Variants in SDK1 observed in about 807,000 individuals in gnomAD.
The protein encoded by SDK1 is sidekick cell adhesion molecule 1.
SDK1 carries 157 observed loss-of-function variants against 245.5 expected under a neutral mutation model. The ratio of observed to expected loss-of-function variants is 0.64; its 90% CI spans 0.56 to 0.73. SDK1 has a LOEUF of 0.73. Ranked by LOEUF, SDK1 falls within the 30% of genes least tolerant of loss-of-function variation. The pLI is 0.00. For synonymous variants in SDK1, 1,647 were observed against 1,278.5 expected (o/e 1.29, Z -6.15); for missense variants, 3,583 against 3,002.3 (o/e 1.19, Z -4.52).
chr7:3,549,044 C>A (rs1562555504), intron 1 of SDK1, among the ~76,000 whole-genome samples: 1 of 152,220 alleles, frequency 6.6e-6, no homozygotes, highest in African/African-American at 2.4e-5. Flanking sequence ...AGAGCTGCAT[C>A]CCTGGGAAGA....
rs1246318499 is a variant in SDK1 at position 4,029,931 on chromosome 7, A to C, written c.2602+12579A>C. Reference sequence around the variant, plus strand: ...CCAACATGCTGCACTCGGATACAACAACCACTAACGTGGCAGCAGGATGGG... The same window carrying C: ...CCAACATGCTGCACTCGGATACAACCACCACTAACGTGGCAGCAGGATGGG... On this transcript the variant is annotated intron_variant, in intron 17 of 44. Transcript: ENST00000404826. Among the ~76,000 whole-genome samples, 3 of 152,360 alleles carry C rather than the reference A, an allele frequency of 2.0e-5. No homozygotes were observed. In the East Asian group the frequency reaches 5.8e-4, roughly 29 times the overall value.
At chr7:4,188,427 G>C (rs149351343) in intron 35 of SDK1, among the ~76,000 whole-genome samples, 185 of 152,236 alleles carry the variant, frequency 1.2e-3, no homozygotes, top group Non-Finnish European at 2.2e-3. Flanking sequence ...CTCAAGCCTG[G>C]TCTCCATTTT....
intron 4 of SDK1, among the ~76,000 whole-genome samples, chr7:3,665,100 T>A (rs188985916): frequency 1.5e-4 from 23 of 152,276 alleles, no homozygotes; most frequent in Admixed American, 1.5e-3. Context: ...ACTCTCTGGC[T>A]GTTGTTTTTC....
At chr7:3,452,661 C>T (rs1005915055) in intron 1 of SDK1, among the ~76,000 whole-genome samples, 3 of 152,046 alleles carry the variant, frequency 2.0e-5, no homozygotes, top group African/African-American at 4.8e-5. Context: ...GAAGAACTTC[C>T]TACAATATTG....
At chr7:3,652,099 G>C (rs1783029891) in intron 4 of SDK1, among the ~76,000 whole-genome samples, 1 of 152,182 alleles carries the variant, frequency 6.6e-6, no homozygotes, top group Admixed American at 6.5e-5. Flanking sequence ...TTAGTAATTG[G>C]AGTGTTTAAA....
chr7:3,738,051 TG>T (rs1446520103), intron 4 of SDK1, among the ~76,000 whole-genome samples: 1 of 152,232 alleles, frequency 6.6e-6, no homozygotes, highest in Non-Finnish European at 1.5e-5. Flanking sequence ...GGACGAAAGC[TG>T]GGGACCTCCT....
intron 5 of SDK1, among the ~76,000 whole-genome samples, chr7:3,871,276 A>G (rs1233837661): frequency 1.3e-5 from 2 of 152,046 alleles, no homozygotes; most frequent in South Asian, 2.1e-4. Context: ...TTATCTCGCC[A>G]TCTTGCTAAA....
At chr7:4,190,762 G>A (rs1208151775) in intron 35 of SDK1, among the ~76,000 whole-genome samples, 8 of 152,230 alleles carry the variant, frequency 5.3e-5, no homozygotes, top group Admixed American at 4.6e-4. Context: ...ACGCTATCCC[G>A]GGACAGCCTC....
At chr7:3,909,652 G>A (rs979340643) in intron 5 of SDK1, among the ~76,000 whole-genome samples, 1 of 152,216 alleles carries the variant, frequency 6.6e-6, no homozygotes, top group Non-Finnish European at 1.5e-5. Context: ...TCTCCAGTAT[G>A]AGGCTGTATT....
intron 1 of SDK1, among the ~76,000 whole-genome samples, chr7:3,500,773 T>G (rs1309797883): frequency 6.6e-6 from 1 of 152,112 alleles, no homozygotes; most frequent in Non-Finnish European, 1.5e-5. Context: ...AAGACTCCTG[T>G]TTGGAAGTTT....
chr7:3,788,586 G>T (rs1217588965), intron 4 of SDK1, among the ~76,000 whole-genome samples: 1 of 152,096 alleles, frequency 6.6e-6, no homozygotes, highest in African/African-American at 2.4e-5. Flanking sequence ...CAATCTTTTG[G>T]CTTCCCTGGG....
intron 44 of SDK1, among the ~76,000 whole-genome samples, chr7:4,260,467 T>C (rs1215665616): frequency 3.5e-4 from 40 of 114,546 alleles, no homozygotes; most frequent in South Asian, 1.1e-3. Flanking sequence ...GGGGTCTCTG[T>C]GTGTGTGGGA....
chr7:3,570,219 C>A (rs188361851), intron 1 of SDK1, among the ~76,000 whole-genome samples: 1 of 152,078 alleles, frequency 6.6e-6, no homozygotes, highest in African/African-American at 2.4e-5. Context: ...TTCCACAGCC[C>A]AGTGGGCAGG....
chr7:3,382,036 C>CA (rs1781501823), intron 1 of SDK1, among the ~76,000 whole-genome samples: 1 of 152,184 alleles, frequency 6.6e-6, no homozygotes, highest in Non-Finnish European at 1.5e-5. Context: ...CTGTCTCAGT[C>CA]AAAAAGCTAA....
intron 5 of SDK1, among the ~76,000 whole-genome samples, chr7:3,892,481 C>G (rs1430540482): frequency 6.6e-6 from 1 of 152,180 alleles, no homozygotes; most frequent in African/African-American, 2.4e-5. Context: ...TCCCCTCCTC[C>G]CACAAGTCAT....
intron 14 of SDK1, among the ~76,000 whole-genome samples, chr7:4,006,829 C>G (rs1408633597): frequency 6.6e-6 from 1 of 152,166 alleles, no homozygotes; most frequent in East Asian, 1.9e-4. Flanking sequence ...AACCCTGAGG[C>G]TGGGGTTCTG....
chr7:3,951,070 T>C (rs770492754), intron 6 of SDK1, 36 bp downstream of exon 6: 1 of 1,440,184 alleles, frequency 6.9e-7, no homozygotes, highest in Non-Finnish European at 9.8e-7. Flanking sequence ...TCCTAGTAAA[T>C]ATTCCATGAC....
intron 39 of SDK1, 97 bp from the exon 40 acceptor site, chr7:4,221,142 C>T: frequency 6.9e-7 from 1 of 1,452,924 alleles, no homozygotes. Flanking sequence ...ACTCTGCAGC[C>T]TCGACCGGTC....
At chr7:3,550,633 C>G (rs559043716) in intron 1 of SDK1, among the ~76,000 whole-genome samples, 61 of 152,288 alleles carry the variant, frequency 4.0e-4, no homozygotes, top group African/African-American at 1.4e-3. Flanking sequence ...AATCAGAAGT[C>G]TCTTGTGCTG....
Sources: allele counts gnomAD v4.1 joint callset (sites outside exome capture counted in the v4.1 genomes callset), GRCh38; gene constraint gnomAD v4.1.1; transcripts MANE v1.5; gene names NCBI Gene and HGNC (gene_info 2026-07-23, HGNC 2026-07-21).